Variants in FBXW4 observed in about 807,000 individuals in gnomAD.
FBXW4 encodes F-box and WD repeat domain containing 4.
Under a neutral mutation model 61.8 loss-of-function variants are expected in FBXW4, and 40 were observed. The ratio of observed to expected loss-of-function variants is 0.65; its 90% CI spans 0.50 to 0.84. FBXW4 has a LOEUF of 0.84. Ranked by LOEUF, FBXW4 falls within the 40% of genes least tolerant of loss-of-function variation. The probability of loss-of-function intolerance (pLI) is 0.00; values close to 1 mark genes in which losing one functional copy is unlikely to be tolerated. For synonymous variants in FBXW4, 311 were observed against 313.8 expected (o/e 0.99, Z 0.10); for missense variants, 672 against 753.8 (o/e 0.89, Z 1.27).
At position 101,673,602 on chromosome 10, in the gene FBXW4, T is replaced by C; in HGVS notation, c.893A>G (p.Gln298Arg). The change falls in exon 3 of 9, where the codon CAG becomes CGG. Residue 298 changes from glutamine to arginine, a missense_variant. By Grantham distance (43) the Gln-to-Arg change is conservative. Coordinates refer to ENST00000331272, the MANE Select transcript of FBXW4 (RefSeq NM_022039.4). ...ISQANFILAY[Q>R]FRPDGASLNR... ...CAAGCTGGCACCATCTGGACGGAAC[T>C]GGTAGGCCAGGATGAAATTAGCCTG... is the stretch of plus-strand genomic sequence containing the variant. 6.2e-7 allele frequency: 1 copy of C among 1,614,060 alleles called. No individual in the cohort carries two copies. The highest frequency in any genetic ancestry group is 8.5e-7 in the Non-Finnish European group (1 of 1,179,910).
chr10:101,639,697 G>A (rs1463242063), intron 5 of FBXW4, among the ~76,000 whole-genome samples: 1 of 152,204 alleles, frequency 6.6e-6, no homozygotes, highest in African/African-American at 2.4e-5. Context: ...GCCATGAGCT[G>A]CCAAACTCAG....
At chr10:101,678,668 T>G (rs1355639095) in intron 1 of FBXW4, among the ~76,000 whole-genome samples, 1 of 152,126 alleles carries the variant, frequency 6.6e-6, no homozygotes, top group Non-Finnish European at 1.5e-5. Context: ...GACCTCGTGA[T>G]CCACCCACCT....
intron 5 of FBXW4, among the ~76,000 whole-genome samples, chr10:101,655,207 T>C (rs1318640605): frequency 6.6e-6 from 1 of 152,252 alleles, no homozygotes. Flanking sequence ...AATGAATTCC[T>C]AGAAGTGGAA....
chr10:101,618,175 TACTC>T (rs1414429003), intron 6 of FBXW4, among the ~76,000 whole-genome samples: 2 of 152,242 alleles, frequency 1.3e-5, no homozygotes, highest in Admixed American at 6.5e-5. Context: ...GATGCCCTGA[TACTC>T]ACTCATATCC....
intron 1 of FBXW4, among the ~76,000 whole-genome samples, chr10:101,688,767 C>T (rs2064558662): frequency 6.6e-6 from 1 of 152,180 alleles, no homozygotes; most frequent in Non-Finnish European, 1.5e-5. Context: ...TAGCAAAAGT[C>T]AGTTTCTGCA....
At chr10:101,668,066 G>T in intron 4 of FBXW4, 86 bp from the exon 5 acceptor site, 2 of 1,043,588 alleles carry the variant, frequency 1.9e-6, no homozygotes, top group Non-Finnish European at 3.0e-6. Context: ...GACTGTTGGA[G>T]GTGGAGAAAT....
At chr10:101,681,042 A>AG (rs2064468998) in intron 1 of FBXW4, among the ~76,000 whole-genome samples, 1 of 152,204 alleles carries the variant, frequency 6.6e-6, no homozygotes. Context: ...AACTAAGTTA[A>AG]ATTTATAAAG....
intron 4 of FBXW4, 60 bp downstream of exon 4, chr10:101,672,852 TCTA>T: frequency 1.3e-6 from 2 of 1,568,022 alleles, no homozygotes; most frequent in Non-Finnish European, 1.7e-6. Context: ...GACTCAGGGA[TCTA>T]TCCACCCCCT....
intron 2 of FBXW4, among the ~76,000 whole-genome samples, chr10:101,674,701 T>C (rs1188192491): frequency 6.6e-6 from 1 of 152,234 alleles, no homozygotes; most frequent in Non-Finnish European, 1.5e-5. Flanking sequence ...GTTCAGGGGC[T>C]ACAGAGAAAG....
chr10:101,618,413 A>G (rs764740242), intron 6 of FBXW4, among the ~76,000 whole-genome samples: 4 of 152,176 alleles, frequency 2.6e-5, no homozygotes, highest in Non-Finnish European at 5.9e-5. Flanking sequence ...CAGAGGGGGT[A>G]TTCTGGGCAT....
At chr10:101,681,778 T>C (rs1341357243) in intron 1 of FBXW4, among the ~76,000 whole-genome samples, 2 of 150,584 alleles carry the variant, frequency 1.3e-5, no homozygotes, top group African/African-American at 2.4e-5. Context: ...AAGATGTTAA[T>C]AGATGGTGCT....
At chr10:101,685,082 C>T (rs1046727274) in intron 1 of FBXW4, among the ~76,000 whole-genome samples, 9 of 152,134 alleles carry the variant, frequency 5.9e-5, no homozygotes, top group African/African-American at 2.2e-4. Flanking sequence ...ATTCATATAC[C>T]CACACTTTCA....
intron 6 of FBXW4, among the ~76,000 whole-genome samples, chr10:101,616,847 C>A (rs537681922): frequency 2.7e-4 from 41 of 152,214 alleles, no homozygotes; most frequent in Non-Finnish European, 4.0e-4. Flanking sequence ...CTAGTCCAGG[C>A]CCCGATTGTA....
intron 5 of FBXW4, among the ~76,000 whole-genome samples, chr10:101,654,591 T>C (rs2064171001): frequency 6.6e-6 from 1 of 152,122 alleles, no homozygotes; most frequent in South Asian, 2.1e-4. Flanking sequence ...AAGTAAAAAG[T>C]AAGTAAACAT....
intron 5 of FBXW4, among the ~76,000 whole-genome samples, chr10:101,631,788 T>C (rs575536736): frequency 7.4e-4 from 112 of 152,230 alleles, no homozygotes; most frequent in African/African-American, 2.5e-3. Flanking sequence ...CCACCACGCC[T>C]GGCTAATTTT....
chr10:101,690,399 A>G (rs980568471), intron 1 of FBXW4, among the ~76,000 whole-genome samples: 6 of 152,212 alleles, frequency 3.9e-5, no homozygotes, highest in Non-Finnish European at 8.8e-5. Flanking sequence ...AACAGGCTTC[A>G]TAAAATCTCC....
Position 101,624,807 on chromosome 10 carries a change from A to C in FBXW4, c.1239T>G (p.Ser413=). Residue 413 remains serine (S), a synonymous_variant, in exon 6 of 9, where the codon TCT becomes TCG. Coordinates refer to ENST00000331272, the MANE Select transcript of FBXW4 (RefSeq NM_022039.4). Reference sequence around the variant, plus strand: ...CGCAACAAGCCGTCCCTGTCACAAAAGAGCTGCCAAACAAAAGGAGAACAA... The same window carrying C: ...CGCAACAAGCCGTCCCTGTCACAAACGAGCTGCCAAACAAAAGGAGAACAA... ...WSIAISPLLS[S]FVTGTACCGH... is the part of the protein sequence containing the mutation. 1 of 1,614,278 alleles carries C rather than the reference A, an allele frequency of 6.2e-7. No individual in the cohort carries two copies. Among genetic ancestry groups the C allele is most frequent in the South Asian group, 1.1e-5 (1 of 91,086 alleles).
At chr10:101,618,905 C>T (rs548784660) in intron 6 of FBXW4, among the ~76,000 whole-genome samples, 8 of 152,078 alleles carry the variant, frequency 5.3e-5, no homozygotes, top group African/African-American at 1.9e-4. Flanking sequence ...AAAAAAAACC[C>T]ACAGCAAGAG....
rs538826780 is a variant in FBXW4, at chr10:101,689,382, AG to A, written c.725+4998del. On this transcript the variant is annotated intron_variant, in intron 1 of 8. Coordinates refer to ENST00000331272, the MANE Select transcript of FBXW4 (RefSeq NM_022039.4). ...TTCCATTCTTCCAGTTCGCATTTGG[AG>A]GTAGTGATTGCACTAGACCATGTCC... is the stretch of plus-strand genomic sequence containing the variant. Among the ~76,000 whole-genome samples, 24 of 152,334 alleles carry A rather than the reference AG, an allele frequency of 1.6e-4. 1 individual carries two copies. The South Asian group carries it at 4.6e-3, about 29-fold the overall frequency.
Sources: allele counts gnomAD v4.1 joint callset (sites outside exome capture counted in the v4.1 genomes callset), GRCh38; gene constraint gnomAD v4.1.1; transcripts MANE v1.5; gene names NCBI Gene and HGNC (gene_info 2026-07-23, HGNC 2026-07-21).